The following ACOXL variants were observed in gnomAD, a reference collection of about 807,000 sequenced individuals.
ACOXL encodes the protein acyl-coenzyme A oxidase-like protein.
A neutral mutation model predicts 71.9 loss-of-function variants in ACOXL; 70 were observed. The ratio of observed to expected loss-of-function variants is 0.97; its 90% CI spans 0.80 to 1.19. The LOEUF (loss-of-function observed/expected upper bound fraction) is 1.19. ACOXL is among the 50% of genes most tolerant of loss of function. The pLI is 0.00. For synonymous variants in ACOXL, 253 were observed against 281.6 expected, an observed-to-expected ratio of 0.90 and a Z score of 1.02; for missense variants, 703 against 736.3, an observed-to-expected ratio of 0.95 and a Z score of 0.52.
chr2:110,770,859 G>A (rs1186084645), intron 2 of ACOXL, among the ~76,000 whole-genome samples: 1 of 152,218 alleles, frequency 6.6e-6, no homozygotes, highest in Admixed American at 6.5e-5. Flanking sequence ...ACCCGGATGT[G>A]AGAGCTGATC....
chr2:111,041,229 G>T (rs896160034), intron 15 of ACOXL, among the ~76,000 whole-genome samples: 15 of 152,188 alleles, frequency 9.9e-5, no homozygotes, highest in African/African-American at 3.1e-4. Flanking sequence ...GGACTGCAGG[G>T]CCTCGTAACA....
chr2:110,929,644 C>A (rs919912378), intron 11 of ACOXL, among the ~76,000 whole-genome samples: 1 of 152,210 alleles, frequency 6.6e-6, no homozygotes, highest in Admixed American at 6.5e-5. Flanking sequence ...TTTGCAGCAG[C>A]CCCTCCCATC....
chr2:111,057,676 C>T (rs1038355779), intron 16 of ACOXL, among the ~76,000 whole-genome samples: 5 of 152,196 alleles, frequency 3.3e-5, no homozygotes, highest in African/African-American at 1.2e-4. Flanking sequence ...TCGCCTAGCT[C>T]CTCCACAAAG....
intron 10 of ACOXL, among the ~76,000 whole-genome samples, chr2:110,848,104 A>G (rs1256483991): frequency 1.3e-5 from 2 of 152,246 alleles, no homozygotes; most frequent in African/African-American, 2.4e-5. Context: ...CATCAGGCCT[A>G]TTGGATTTTG....
chr2:110,948,703 T>TAAA (rs5833377), intron 12 of ACOXL, among the ~76,000 whole-genome samples: 5 of 70,810 alleles, frequency 7.1e-5, no homozygotes, highest in African/African-American at 1.4e-4. Flanking sequence ...CCAGAAGAAC[T>TAAA]AAAAAAAAAA....
At chr2:110,796,254 A>G (rs1182914991) in intron 5 of ACOXL, 3 of 152,192 alleles carry the variant, frequency 2.0e-5, no homozygotes, top group African/African-American at 7.2e-5. Context: ...GGGTAGTGGT[A>G]TGGATAGTTA....
Position 111,052,117 on chromosome 2 carries a change from G to A in ACOXL, c.1440+2829G>A, listed in dbSNP as rs543632846. ...CAAAAACATTGAGATTTTGAAGATGGCATAAGCCAGAACATTCATCTGACA... is the reference window on the plus strand; with the variant it reads ...CAAAAACATTGAGATTTTGAAGATGACATAAGCCAGAACATTCATCTGACA... On this transcript the variant is annotated intron_variant, in intron 16 of 17. Coordinates refer to ENST00000439055, the MANE Select transcript of ACOXL (RefSeq NM_001142807.4). 2.6e-5 allele frequency among the ~76,000 whole-genome samples: 4 copies of A among 152,282 alleles called. No homozygotes were observed. In the South Asian group the frequency reaches 6.2e-4, roughly 24 times the overall value.
intron 14 of ACOXL, among the ~76,000 whole-genome samples, chr2:110,997,163 G>A (rs947000129): frequency 2.0e-5 from 3 of 152,134 alleles, no homozygotes; most frequent in Non-Finnish European, 2.9e-5. Context: ...AACTGTTTTC[G>A]AAGACTATAG....
intron 10 of ACOXL, among the ~76,000 whole-genome samples, chr2:110,855,109 T>A (rs991579744): frequency 1.3e-5 from 2 of 152,236 alleles, no homozygotes; most frequent in African/African-American, 4.8e-5. Flanking sequence ...ACTGCTCATA[T>A]GGAGGAAAAT....
In ACOXL at chr2:110,952,851, A is replaced by C. The variant is rs193272258; in HGVS notation, c.1059+19209A>C. Among the ~76,000 whole-genome samples, 48 of 152,294 alleles carry C rather than the reference A, an allele frequency of 3.2e-4. No individual in the cohort carries two copies. In the East Asian group the frequency reaches 7.3e-3, roughly 23 times the overall value. On this transcript the variant is annotated intron_variant, in intron 12 of 17. Coordinates refer to ENST00000439055, the MANE Select transcript of ACOXL (RefSeq NM_001142807.4). The stretch of plus-strand genomic sequence containing the variant: ...CCATTTCTCTTTTTCTATTATAAAC[A>C]CTTAAAATGATAACTTTTCTTTTTA...
intron 1 of ACOXL, among the ~76,000 whole-genome samples, chr2:110,764,285 A>T (rs1680763984): frequency 6.6e-6 from 1 of 152,186 alleles, no homozygotes; most frequent in Non-Finnish European, 1.5e-5. Context: ...AGTTGAATGG[A>T]TAGATAAATG....
intron 16 of ACOXL, among the ~76,000 whole-genome samples, chr2:111,089,291 C>T (rs1046457323): frequency 6.6e-5 from 10 of 151,632 alleles, no homozygotes; most frequent in South Asian, 2.1e-4. Context: ...ACCGAGACTC[C>T]GTCTCAAAAA....
intron 15 of ACOXL, among the ~76,000 whole-genome samples, chr2:111,043,112 G>T (rs2065861079): frequency 6.6e-6 from 1 of 152,180 alleles, no homozygotes; most frequent in Admixed American, 6.5e-5. Flanking sequence ...TGGGGCCAGA[G>T]AAAAGGAGGG....
At chr2:111,031,426 C>T (rs527678244) in intron 14 of ACOXL, among the ~76,000 whole-genome samples, 26 of 152,278 alleles carry the variant, frequency 1.7e-4, no homozygotes, top group African/African-American at 6.0e-4. Flanking sequence ...AGCATGGAAA[C>T]AGGGCTTCTC....
At position 111,084,419 on chromosome 2, in the gene ACOXL, T is replaced by G. The variant is rs551722849; in HGVS notation, c.1441-8446T>G. ...ATAACATGAGGCTTGACAAATAATCTTATAAAAATTTAAAAGGCCATTTTT... is the reference window on the plus strand; with the variant it reads ...ATAACATGAGGCTTGACAAATAATCGTATAAAAATTTAAAAGGCCATTTTT... On this transcript the variant is annotated intron_variant, in intron 16 of 17. Transcript: ENST00000439055. Among the ~76,000 whole-genome samples, 18 of 152,212 alleles carry G rather than the reference T, an allele frequency of 1.2e-4. No individual in the cohort carries two copies. In the South Asian group the frequency reaches 3.7e-3, roughly 32 times the overall value.
At chr2:110,853,863 C>T (rs1027508189) in intron 10 of ACOXL, among the ~76,000 whole-genome samples, 3 of 151,094 alleles carry the variant, frequency 2.0e-5, no homozygotes, top group African/African-American at 2.4e-5. Flanking sequence ...CCTCTCTCCT[C>T]TCCTTTTTTT....
At chr2:111,067,884 G>T (rs531101802) in intron 16 of ACOXL, among the ~76,000 whole-genome samples, 2 of 152,186 alleles carry the variant, frequency 1.3e-5, no homozygotes, top group Non-Finnish European at 2.9e-5. Flanking sequence ...TTGGGAGTGC[G>T]GGGAAGATAA....
intron 11 of ACOXL, among the ~76,000 whole-genome samples, chr2:110,923,531 C>T (rs114752201): frequency 6.6e-6 from 1 of 152,260 alleles, no homozygotes; most frequent in African/African-American, 2.4e-5. Context: ...GTTAGGTGAG[C>T]AGGAAATGGA....
intron 16 of ACOXL, among the ~76,000 whole-genome samples, chr2:111,050,346 TG>T (rs1157678495): frequency 6.6e-6 from 1 of 152,170 alleles, no homozygotes; most frequent in Non-Finnish European, 1.5e-5. Context: ...CTGGGAACCC[TG>T]ATTTTTCAGA....
Sources: gnomAD v4.1 joint callset for allele counts (sites outside exome capture counted in the v4.1 genomes callset) on GRCh38, gnomAD v4.1.1 for gene constraint, MANE v1.5 for transcripts, NCBI Gene and HGNC (gene_info 2026-07-23, HGNC 2026-07-21) for gene names.